ZMIZ1: variants seen among roughly 807,000 people sequenced by gnomAD.
ZMIZ1 encodes zinc finger MIZ-type containing 1.
In ZMIZ1, 17 loss-of-function variants were observed where a neutral mutation model predicts 113.9. The ratio of observed to expected loss-of-function variants is 0.15; its 90% CI spans 0.10 to 0.22. The LOEUF is 0.22. ZMIZ1 is among the 10% of genes least tolerant of loss of function. The pLI, the probability that ZMIZ1 is intolerant of heterozygous loss-of-function variation, is 1.00. For missense variants in ZMIZ1, 1,059 were observed against 1,477.8 expected, an observed-to-expected ratio of 0.72 and a Z score of 4.65; for synonymous variants, 607 against 603.1, an observed-to-expected ratio of 1.01 and a Z score of -0.09.
At chr10:79,086,982 G>T (rs1842834999) in intron 1 of ZMIZ1, among the ~76,000 whole-genome samples, 1 of 152,176 alleles carries the variant, frequency 6.6e-6, no homozygotes, top group African/African-American at 2.4e-5. Flanking sequence ...TGCCAAAAAG[G>T]CAGGGAGGGT....
At chr10:79,249,231 G>A (rs994138819) in intron 7 of ZMIZ1, among the ~76,000 whole-genome samples, 2 of 152,196 alleles carry the variant, frequency 1.3e-5, no homozygotes, top group African/African-American at 4.8e-5. Flanking sequence ...CCCAGCGTCC[G>A]GGGCCACTGT....
intron 1 of ZMIZ1, among the ~76,000 whole-genome samples, chr10:79,108,521 A>G (rs994960799): frequency 1.2e-4 from 18 of 152,100 alleles, no homozygotes; most frequent in African/African-American, 4.1e-4. Flanking sequence ...CTGAGAGTGA[A>G]GGAAGAAAGG....
chr10:79,189,021 G>C (rs780221958), intron 4 of ZMIZ1, among the ~76,000 whole-genome samples: 2 of 152,208 alleles, frequency 1.3e-5, no homozygotes, highest in Non-Finnish European at 2.9e-5. Flanking sequence ...AGAGCACAGT[G>C]TGGCTTTTCT....
At chr10:79,091,669 C>G (rs1252043747) in intron 1 of ZMIZ1, among the ~76,000 whole-genome samples, 2 of 152,158 alleles carry the variant, frequency 1.3e-5, no homozygotes, top group Non-Finnish European at 2.9e-5. Flanking sequence ...AGGAAAGGTA[C>G]TTCTGGGCGG....
chr10:79,223,549 C>T (rs1849078164), intron 7 of ZMIZ1, among the ~76,000 whole-genome samples: 1 of 152,244 alleles, frequency 6.6e-6, no homozygotes, highest in African/African-American at 2.4e-5. Context: ...TCAGAACTGA[C>T]TCATGGTCAG....
intron 8 of ZMIZ1, among the ~76,000 whole-genome samples, chr10:79,279,423 G>A (rs559962881): frequency 5.3e-5 from 8 of 151,736 alleles, no homozygotes; most frequent in African/African-American, 9.7e-5. Context: ...GGGCAGAGAC[G>A]CTCCTCACTT....
intron 19 of ZMIZ1, among the ~76,000 whole-genome samples, chr10:79,304,665 G>A (rs1432914471): frequency 6.6e-6 from 1 of 152,224 alleles, no homozygotes; most frequent in Admixed American, 6.5e-5. Context: ...ATGCAGAAGG[G>A]GCCCAGGGCT....
At chr10:79,240,131 C>T (rs1006409118) in intron 7 of ZMIZ1, among the ~76,000 whole-genome samples, 4 of 152,232 alleles carry the variant, frequency 2.6e-5, no homozygotes, top group East Asian at 1.9e-4. Context: ...GCCTCCCAAG[C>T]GCTGGCGGGC....
rs1208957457 is a variant in ZMIZ1 at position 79,069,535 on chromosome 10, G to T, written c.-337+265G>T. The stretch of plus-strand genomic sequence containing the variant: ...GGCCGGGTTTGTCAGGGTGTGCGGG[G>T]CGTAAGTGTGGTCGTGCGCGCGCGG... On this transcript the variant is annotated intron_variant, in intron 1 of 24. Coordinates refer to ENST00000334512, the MANE Select transcript of ZMIZ1 (RefSeq NM_020338.4). This position sits in a 1 kb window ranked among gnomAD's most constrained non-coding sequence, Gnocchi z 4.6. Among the ~76,000 whole-genome samples the T allele has an allele frequency of 4.0e-5, 6 of 151,854 alleles. No individual in the cohort carries two copies. The highest frequency in any genetic ancestry group is 7.4e-5 in the Non-Finnish European group (5 of 67,938).
chr10:79,234,940 G>C (rs558263288), intron 7 of ZMIZ1, among the ~76,000 whole-genome samples: 1 of 152,372 alleles, frequency 6.6e-6, no homozygotes, highest in South Asian at 2.1e-4. Flanking sequence ...ACAGTGACCT[G>C]CACCTGGTCA....
At chr10:79,128,177 T>A (rs1844597121) in intron 2 of ZMIZ1, among the ~76,000 whole-genome samples, 1 of 152,144 alleles carries the variant, frequency 6.6e-6, no homozygotes, top group African/African-American at 2.4e-5. Context: ...GCAGTACCTG[T>A]CCAGGTTGAC....
At chr10:79,089,199 T>G (rs1488496079) in intron 1 of ZMIZ1, among the ~76,000 whole-genome samples, 1 of 152,114 alleles carries the variant, frequency 6.6e-6, no homozygotes, top group Non-Finnish European at 1.5e-5. Flanking sequence ...TGGGGTTCAT[T>G]CCCATGGAGG....
intron 8 of ZMIZ1, among the ~76,000 whole-genome samples, chr10:79,286,345 G>A (rs993768730): frequency 1.3e-5 from 2 of 152,230 alleles, no homozygotes; most frequent in African/African-American, 2.4e-5. Context: ...AGGCAGTGGC[G>A]TCACATCAGC....
chr10:79,117,468 A>G (rs775333719), intron 1 of ZMIZ1, among the ~76,000 whole-genome samples: 5 of 152,154 alleles, frequency 3.3e-5, no homozygotes, highest in Non-Finnish European at 7.3e-5. Flanking sequence ...GTTGCAGATC[A>G]CTCATTCCCA....
In ZMIZ1 at chr10:79,236,489, G is replaced by A. The variant is rs568811496; in HGVS notation, c.280+20215G>A. Among the ~76,000 whole-genome samples the A allele has an allele frequency of 3.3e-5, 5 of 152,306 alleles. No homozygotes were observed. In the South Asian group the frequency reaches 6.2e-4, roughly 19 times the overall value. On this transcript the variant is annotated intron_variant, in intron 7 of 24. Transcript: ENST00000334512. ...TGAAACCCCAGGACTGCTGAGGCAC[G>A]GACATTCGAGCTGCCGTTGCCGTCT...
Position 79,296,102 on chromosome 10 carries a change from T to G in ZMIZ1, c.1231-369T>G. 3.8e-6 allele frequency: 1 copy of G among 264,310 alleles called. No homozygotes were observed. The highest frequency in any genetic ancestry group is 7.3e-6 in the Non-Finnish European group (1 of 136,276). The allele number at this position is 264,310 out of a possible 1,614,324, so 16.4% of individuals were successfully genotyped here. On this transcript the variant is annotated intron_variant, in intron 12 of 24. Coordinates refer to ENST00000334512, the MANE Select transcript of ZMIZ1 (RefSeq NM_020338.4). This position sits in a 1 kb window ranked among gnomAD's most constrained non-coding sequence, Gnocchi z 4.1. ...CTGTTGACTGTGTTCCTCTGTCACA[T>G]TGGGGTACACATTGGGGAGCACAGC...
chr10:79,144,006 C>T (rs527413107), intron 3 of ZMIZ1, among the ~76,000 whole-genome samples: 1 of 152,144 alleles, frequency 6.6e-6, no homozygotes, highest in Non-Finnish European at 1.5e-5. Context: ...AACTCTGCAT[C>T]GGGGACTAGG....
chr10:79,307,168 T>C (rs1854765268), intron 22 of ZMIZ1, among the ~76,000 whole-genome samples: 1 of 151,882 alleles, frequency 6.6e-6, no homozygotes, highest in Non-Finnish European at 1.5e-5. Flanking sequence ...TTTGTCCCAC[T>C]CTGCCCCCTC....
At chr10:79,112,513 G>T (rs1628089) in intron 1 of ZMIZ1, among the ~76,000 whole-genome samples, 1 of 151,976 alleles carries the variant, frequency 6.6e-6, no homozygotes, top group Non-Finnish European at 1.5e-5. Flanking sequence ...TGGACACGCC[G>T]CCTGGAAACC....
Sources: allele counts gnomAD v4.1 joint callset (sites outside exome capture counted in the v4.1 genomes callset), GRCh38; gene constraint gnomAD v4.1.1; non-coding constraint Gnocchi (gnomAD v3.1); transcripts MANE v1.5; gene names NCBI Gene and HGNC (gene_info 2026-07-23, HGNC 2026-07-21).